Variants in ENTPD7 observed in about 807,000 individuals in gnomAD.
ENTPD7 encodes NTPDase 7.
Under a neutral mutation model 77.9 loss-of-function variants are expected in ENTPD7, and 53 were observed. The ratio of observed to expected loss-of-function variants is 0.68; its 90% confidence interval spans 0.55 to 0.85. The LOEUF (loss-of-function observed/expected upper bound fraction) is 0.85, where lower values mean the gene tolerates loss of function less well. Ranked by LOEUF, ENTPD7 falls within the 40% of genes least tolerant of loss-of-function variation. The pLI is 0.00. For synonymous variants in ENTPD7, 248 were observed against 274.9 expected, an observed-to-expected ratio of 0.90 and a Z score of 0.97; for missense variants, 636 against 743.7, an observed-to-expected ratio of 0.86 and a Z score of 1.68.
chr10:99,660,226 G>A (rs1438177819), intron 2 of ENTPD7: 2 of 809,050 alleles, frequency 2.5e-6, no homozygotes, highest in East Asian at 1.3e-4. Context: ...CATTGATTCA[G>A]ATTCGCATCT....
intron 3 of ENTPD7, among the ~76,000 whole-genome samples, chr10:99,678,423 A>C (rs4917878): frequency 1.3e-5 from 2 of 151,320 alleles, no homozygotes; most frequent in African/African-American, 4.9e-5. Flanking sequence ...AGCTGAGATC[A>C]TGCCACTGCA....
chr10:99,689,734 G>A (rs2035857499), intron 7 of ENTPD7, among the ~76,000 whole-genome samples: 1 of 152,258 alleles, frequency 6.6e-6, no homozygotes, highest in East Asian at 1.9e-4. Context: ...TTCCTTATCT[G>A]CCTTTCATGG....
Position 99,659,602 on chromosome 10 carries a change from C to A in ENTPD7, c.-96+14C>A. The stretch of plus-strand genomic sequence containing the variant: ...CCGCTTGATCCCGTGAGTGTGGGCG[C>A]GAGAGGGCTGTGGGACCCGGAGGGA... On this transcript the variant is annotated intron_variant, in intron 1 of 12. Transcript: ENST00000370489. This position sits in a 1 kb window ranked among gnomAD's most constrained non-coding sequence, Gnocchi z 4.1. 5.0e-6 allele frequency: 1 copy of A among 199,012 alleles called. No individual in the cohort carries two copies. The highest frequency in any genetic ancestry group is 1.0e-5 in the Non-Finnish European group (1 of 97,824). 12.3% of individuals were successfully genotyped at this position (199,012 alleles called of 1,614,324 possible).
At chr10:99,660,153 C>A in intron 2 of ENTPD7, 189 bp downstream of exon 2, 2 of 560,568 alleles carry the variant, frequency 3.6e-6, no homozygotes, top group Non-Finnish European at 4.5e-6. Context: ...TAGTTTCTAG[C>A]CCATAGACCA....
intron 3 of ENTPD7, among the ~76,000 whole-genome samples, chr10:99,670,137 A>G (rs927896860): frequency 1.3e-5 from 2 of 152,330 alleles, no homozygotes. Context: ...CATATCTTAT[A>G]TCCATTTATT....
chr10:99,659,817 C>T lies in ENTPD7; in HGVS notation c.-95-45C>T, dbSNP rs916904449. ...CCGTGGAATTCCCGTGCAGGTTTGTCTCGTGGGCTCAGTCGGACAGAAGCC... is the reference window on the plus strand; with the variant it reads ...CCGTGGAATTCCCGTGCAGGTTTGTTTCGTGGGCTCAGTCGGACAGAAGCC... On this transcript the variant is annotated intron_variant, in intron 1 of 12. Coordinates refer to ENST00000370489, the MANE Select transcript of ENTPD7 (RefSeq NM_020354.5). The surrounding 1 kb of genome is among the most constrained non-coding windows in gnomAD (Gnocchi z 4.1). 30 of 1,210,756 alleles carry T rather than the reference C, an allele frequency of 2.5e-5. No individual in the cohort carries two copies. In the African/African-American group the frequency reaches 3.6e-4, roughly 15 times the overall value. The allele number at this position is 1,210,756 out of a possible 1,614,324, so 75.0% of individuals were successfully genotyped here. A position where few individuals can be genotyped will look rare whatever the true frequency, so the allele number is the denominator to read the frequency against.
In ENTPD7 at chr10:99,704,958, G is replaced by A; in HGVS notation, c.*275G>A. On this transcript the variant is annotated 3_prime_UTR_variant, in exon 13 of 13. Coordinates refer to ENST00000370489, the MANE Select transcript of ENTPD7 (RefSeq NM_020354.5). The stretch of plus-strand genomic sequence containing the variant: ...AGTGAAGCAGGCTTCGACTCCTTCT[G>A]AGAGGTCTGGTGTGTTCCTAGAATC... 2.1e-6 allele frequency: 1 copy of A among 467,642 alleles called. No individual in the cohort carries two copies. Among genetic ancestry groups the A allele is most frequent in the South Asian group, 2.4e-5 (1 of 41,170 alleles). 29.0% of individuals were successfully genotyped at this position (467,642 alleles called of 1,614,324 possible).
At chr10:99,668,090 A>G (rs1225784756) in intron 3 of ENTPD7, among the ~76,000 whole-genome samples, 2 of 151,854 alleles carry the variant, frequency 1.3e-5, no homozygotes, top group Non-Finnish European at 2.9e-5. Flanking sequence ...GCGCACCACC[A>G]TGCCCGGCTA....
At position 99,708,760 on chromosome 10, in the gene ENTPD7, G is replaced by T; in HGVS notation, c.*4077G>T. On this transcript the variant is annotated 3_prime_UTR_variant, in exon 13 of 13. Transcript: ENST00000370489. Reference sequence around the variant, plus strand: ...CTGGTCAACCCCCTTGATTTATATGGGTGATAAAACTGAGGCCTAGAGCAG... The same window carrying T: ...CTGGTCAACCCCCTTGATTTATATGTGTGATAAAACTGAGGCCTAGAGCAG... 1.1e-6 allele frequency: 1 copy of T among 870,404 alleles called. No homozygotes were observed. The highest frequency in any genetic ancestry group is 1.4e-6 in the Non-Finnish European group (1 of 725,038). The allele number at this position is 870,404 out of a possible 1,614,324, so 53.9% of individuals were successfully genotyped here.
At chr10:99,665,502 GTCATTCATTCATTCATTCA>G (rs2035538063) in intron 3 of ENTPD7, among the ~76,000 whole-genome samples, 2 of 151,856 alleles carry the variant, frequency 1.3e-5, no homozygotes, top group African/African-American at 2.4e-5. Flanking sequence ...ATTCACTTTG[GTCATTCATTCATTCATTCA>G]TCATTCATTC....
chr10:99,708,527 CAA>C lies in ENTPD7; in HGVS notation c.*3846_*3847del, dbSNP rs2036295980. 6.6e-6 allele frequency among the ~76,000 whole-genome samples: 1 copy of C among 152,104 alleles called. No homozygotes were observed. On this transcript the variant is annotated 3_prime_UTR_variant, in exon 13 of 13. Transcript: ENST00000370489. ...TCTGGTTCGGTTCTCATCTATCAAACAAAGAGGCTAGACAAGATTAGAAACTA... is the reference window on the plus strand; with the variant it reads ...TCTGGTTCGGTTCTCATCTATCAAACAGAGGCTAGACAAGATTAGAAACTA...
intron 3 of ENTPD7, among the ~76,000 whole-genome samples, chr10:99,670,012 G>A (rs879695130): frequency 5.3e-5 from 8 of 152,070 alleles, no homozygotes; most frequent in Admixed American, 2.0e-4. Flanking sequence ...GCCTCCCAAA[G>A]TGCTGGGATT....
At chr10:99,683,079 A>G (rs1413884393) in intron 5 of ENTPD7, among the ~76,000 whole-genome samples, 1 of 152,006 alleles carries the variant, frequency 6.6e-6, no homozygotes, top group Non-Finnish European at 1.5e-5. Flanking sequence ...GAATATTAAT[A>G]TTTATTGTAT....
intron 10 of ENTPD7, among the ~76,000 whole-genome samples, chr10:99,700,314 A>G (rs1016223434): frequency 6.6e-6 from 1 of 152,056 alleles, no homozygotes; most frequent in Non-Finnish European, 1.5e-5. Flanking sequence ...CACTCTATCC[A>G]AAATGACAAC....
intron 3 of ENTPD7, among the ~76,000 whole-genome samples, chr10:99,677,887 A>G (rs1301929585): frequency 6.6e-6 from 1 of 152,158 alleles, no homozygotes; most frequent in Non-Finnish European, 1.5e-5. Flanking sequence ...TAACTTGCCT[A>G]AGGTCACACA....
intron 7 of ENTPD7, 125 bp from the exon 8 acceptor site, chr10:99,691,260 G>T: frequency 9.9e-7 from 1 of 1,006,144 alleles, no homozygotes; most frequent in Non-Finnish European, 1.4e-6. Context: ...CCAGTGTTTT[G>T]GGATTACAGG....
At chr10:99,662,747 G>C (rs1288638098) in intron 3 of ENTPD7, among the ~76,000 whole-genome samples, 2 of 152,204 alleles carry the variant, frequency 1.3e-5, no homozygotes, top group Non-Finnish European at 2.9e-5. Flanking sequence ...GCGTGGCCCT[G>C]GGTAGCTGCA....
intron 2 of ENTPD7, among the ~76,000 whole-genome samples, chr10:99,660,670 A>T (rs903844290): frequency 2.0e-5 from 3 of 152,208 alleles, no homozygotes; most frequent in Non-Finnish European, 4.4e-5. Flanking sequence ...CACGCCTGTA[A>T]TCCCAGCACT....
intron 5 of ENTPD7, among the ~76,000 whole-genome samples, chr10:99,681,039 A>G (rs1392996767): frequency 6.6e-6 from 1 of 152,178 alleles, no homozygotes; most frequent in Non-Finnish European, 1.5e-5. Context: ...CATATTGCAG[A>G]ATGCCCTTTT....
Sources: gnomAD v4.1 joint callset for allele counts (sites outside exome capture counted in the v4.1 genomes callset) on GRCh38, gnomAD v4.1.1 for gene constraint, Gnocchi (gnomAD v3.1) non-coding constraint, MANE v1.5 for transcripts, NCBI Gene and HGNC (gene_info 2026-07-23, HGNC 2026-07-21) for gene names.